The following CNTLN variants were observed in gnomAD, a reference collection of about 807,000 sequenced individuals.
CNTLN encodes the protein centlein, also known as centlein, centrosomal protein.
A neutral mutation model predicts 180.0 loss-of-function variants in CNTLN; 212 were observed. That is an observed-to-expected ratio of 1.18 (90% CI 1.05 to 1.32). The LOEUF (loss-of-function observed/expected upper bound fraction) is 1.32. Among genes scored for constraint, CNTLN ranks in the 40% most tolerant of loss-of-function variants. The probability of loss-of-function intolerance (pLI) is 0.00; values close to 1 mark genes in which losing one functional copy is unlikely to be tolerated. For missense variants in CNTLN, 2,095 were observed against 1,610.9 expected (o/e 1.30, Z -5.14); for synonymous variants, 722 against 563.1 (o/e 1.28, Z -3.99).
chr9:17,190,055 C>A (rs1821698588), intron 2 of CNTLN, among the ~76,000 whole-genome samples: 2 of 151,194 alleles, frequency 1.3e-5, no homozygotes, highest in Admixed American at 1.3e-4. Context: ...ATTCTACCTG[C>A]CTTGAGCTTC....
At chr9:17,151,421 TTGGTTCTGTTTATGTGA>T (rs1256348052) in intron 2 of CNTLN, among the ~76,000 whole-genome samples, 3 of 152,204 alleles carry the variant, frequency 2.0e-5, no homozygotes, top group Admixed American at 6.5e-5. Context: ...GTTTTTGTCA[TTGGTTCTGTTTATGTGA>T]TGGTTCTGTT....
At chr9:17,447,387 T>A in intron 18 of CNTLN, 1 of 185,870 alleles carries the variant, frequency 5.4e-6, no homozygotes, top group Non-Finnish European at 1.2e-5. Context: ...GGAAAAGTTC[T>A]CCCAAACTGC....
intron 8 of CNTLN, among the ~76,000 whole-genome samples, chr9:17,324,666 C>A (rs1820144024): frequency 6.6e-6 from 1 of 152,056 alleles, no homozygotes; most frequent in South Asian, 2.1e-4. Context: ...TTGTCATCTA[C>A]TGGATATAAG....
chr9:17,175,191 C>G (rs879619246), intron 2 of CNTLN, among the ~76,000 whole-genome samples: 11 of 152,066 alleles, frequency 7.2e-5, no homozygotes, highest in Admixed American at 6.5e-4. Context: ...TTTTTGGCGT[C>G]AAATTGAGAT....
At chr9:17,251,602 T>C (rs1410285351) in intron 5 of CNTLN, among the ~76,000 whole-genome samples, 5 of 151,918 alleles carry the variant, frequency 3.3e-5, no homozygotes, top group East Asian at 1.9e-4. Flanking sequence ...TTCCTTTTTT[T>C]CCCTTTCATT....
chr9:17,312,384 A>AATATATATATATATATT (rs1563985028), intron 8 of CNTLN, among the ~76,000 whole-genome samples: 33 of 108,078 alleles, frequency 3.1e-4, no homozygotes, highest in Admixed American at 1.3e-3. Flanking sequence ...ATATATATAT[A>AATATATATATATATATT]ATTTATTTAT....
chr9:17,217,844 A>G (rs1295898292), intron 2 of CNTLN, among the ~76,000 whole-genome samples: 2 of 152,256 alleles, frequency 1.3e-5, no homozygotes, highest in East Asian at 1.9e-4. Flanking sequence ...ATTTCTAACT[A>G]TAAAACAGAA....
At chr9:17,406,056 C>A (rs1827365376) in intron 15 of CNTLN, among the ~76,000 whole-genome samples, 1 of 151,796 alleles carries the variant, frequency 6.6e-6, no homozygotes, top group Admixed American at 6.6e-5. Context: ...TAGCCTAATA[C>A]AAATTCCTGG....
intron 2 of CNTLN, among the ~76,000 whole-genome samples, chr9:17,196,729 T>G (rs1211864217): frequency 6.6e-6 from 1 of 151,830 alleles, no homozygotes; most frequent in Non-Finnish European, 1.5e-5. Flanking sequence ...TTAATTTATG[T>G]GGGTACATAG....
intron 2 of CNTLN, among the ~76,000 whole-genome samples, chr9:17,199,640 C>G (rs1822388633): frequency 6.6e-6 from 1 of 152,156 alleles, no homozygotes; most frequent in Non-Finnish European, 1.5e-5. Flanking sequence ...TAAATATCTT[C>G]TTTTGAGAAG....
At chr9:17,383,472 C>T (rs1564054821) in intron 13 of CNTLN, among the ~76,000 whole-genome samples, 1 of 151,528 alleles carries the variant, frequency 6.6e-6, no homozygotes, top group African/African-American at 2.4e-5. Flanking sequence ...TGAGATCACG[C>T]CACTGCATTC....
chr9:17,525,975 G>A, the CNTLN span, among the ~76,000 whole-genome samples: 20 of 151,000 alleles, frequency 1.3e-4, no homozygotes, highest in African/African-American at 4.4e-4. Flanking sequence ...TTGCTCTGTC[G>A]CCCAGGCTGG....
At chr9:17,381,027 T>C (rs1312501468) in intron 13 of CNTLN, among the ~76,000 whole-genome samples, 1 of 152,258 alleles carries the variant, frequency 6.6e-6, no homozygotes, top group Admixed American at 6.5e-5. Context: ...GCAAGTCTTC[T>C]TATTAAATAC....
intron 10 of CNTLN, among the ~76,000 whole-genome samples, chr9:17,339,932 T>C (rs559162573): frequency 6.6e-6 from 1 of 152,062 alleles, no homozygotes; most frequent in African/African-American, 2.4e-5. Flanking sequence ...GGCAGGAGGA[T>C]CATTTGATAC....
chr9:17,145,427 C>T (rs369095513), intron 2 of CNTLN, among the ~76,000 whole-genome samples: 1 of 152,124 alleles, frequency 6.6e-6, no homozygotes, highest in African/African-American at 2.4e-5. Flanking sequence ...CAACCTATGT[C>T]TGTTAAAAAG....
At chr9:17,426,626 G>C (rs2133955820) in intron 18 of CNTLN, among the ~76,000 whole-genome samples, 1 of 151,422 alleles carries the variant, frequency 6.6e-6, no homozygotes, top group South Asian at 2.1e-4. Flanking sequence ...TTCTCTTCTT[G>C]GACTTTAATT....
At chr9:17,136,176 A>G (rs1275882041) in intron 1 of CNTLN, among the ~76,000 whole-genome samples, 2 of 152,226 alleles carry the variant, frequency 1.3e-5, no homozygotes, top group Admixed American at 1.3e-4. Flanking sequence ...CATCCTTACC[A>G]TCATCTCTTT....
At chr9:17,203,331 G>C (rs1822683080) in intron 2 of CNTLN, among the ~76,000 whole-genome samples, 1 of 152,060 alleles carries the variant, frequency 6.6e-6, no homozygotes, top group Non-Finnish European at 1.5e-5. Flanking sequence ...TGCTCTTCTT[G>C]AGGAGTATCT....
intron 2 of CNTLN, among the ~76,000 whole-genome samples, chr9:17,145,200 G>A (rs1204577033): frequency 6.6e-6 from 1 of 152,182 alleles, no homozygotes; most frequent in Non-Finnish European, 1.5e-5. Flanking sequence ...GAATCTCTAG[G>A]GGGTGGGACC....
Sources: allele counts gnomAD v4.1 joint callset (sites outside exome capture counted in the v4.1 genomes callset), GRCh38; gene constraint gnomAD v4.1.1; transcripts MANE v1.5; gene names NCBI Gene and HGNC (gene_info 2026-07-23, HGNC 2026-07-21).